The following FGD4 variants were observed in gnomAD, a reference collection of about 807,000 sequenced individuals.
FGD4 encodes the protein FYVE, RhoGEF and PH domain-containing protein 4.
A neutral mutation model predicts 102.0 loss-of-function variants in FGD4; 42 were observed. That is an observed-to-expected ratio of 0.41 (90% CI 0.32 to 0.53). The LOEUF (loss-of-function observed/expected upper bound fraction) is 0.53. FGD4 is among the 20% of genes least tolerant of loss of function. FGD4 has a pLI of 0.21. For synonymous variants in FGD4, 380 were observed against 375.7 expected (o/e 1.01, Z -0.13); for missense variants, 902 against 1,078.2 (o/e 0.84, Z 2.29).
intron 3 of FGD4, among the ~76,000 whole-genome samples, chr12:32,577,986 C>T (rs1320802522): frequency 6.6e-6 from 1 of 152,150 alleles, no homozygotes; most frequent in African/African-American, 2.4e-5. Flanking sequence ...TTTGGTTAAC[C>T]CACTGCATTG....
intron 1 of FGD4, among the ~76,000 whole-genome samples, chr12:32,542,813 A>T (rs968829021): frequency 6.6e-6 from 1 of 152,154 alleles, no homozygotes; most frequent in African/African-American, 2.4e-5. Context: ...TAAATAATTT[A>T]CTTTTGATTT....
chr12:32,525,442 G>T (rs1211712195), intron 1 of FGD4, among the ~76,000 whole-genome samples: 1 of 152,222 alleles, frequency 6.6e-6, no homozygotes. Context: ...ATTCCACATT[G>T]TTTGTGAGAA....
Position 32,518,828 on chromosome 12 carries a change from AC to A in FGD4, c.167-45308del, listed in dbSNP as rs199845042. On this transcript the variant is annotated intron_variant, in intron 1 of 16. Coordinates refer to ENST00000534526, the MANE Select transcript of FGD4 (RefSeq NM_001370298.3). ...TTTTTCTTTACAAAAGAAAAAAAAA[AC>A]AAGGGCCAGGCACGGCAGCTCACGC... Among the ~76,000 whole-genome samples, 355 of 145,922 alleles carry A rather than the reference AC, an allele frequency of 2.4e-3. 1 individual carries two copies. Among genetic ancestry groups the A allele is most frequent in the African/African-American group, 7.7e-3 (313 of 40,388 alleles).
At chr12:32,570,074 A>G (rs1401199103) in intron 2 of FGD4, among the ~76,000 whole-genome samples, 2 of 151,868 alleles carry the variant, frequency 1.3e-5, no homozygotes, top group African/African-American at 4.8e-5. Context: ...AACCCCATCT[A>G]CTAAAGATAC....
At chr12:32,624,774 T>C (rs1016529736) in intron 12 of FGD4, 18 of 626,502 alleles carry the variant, frequency 2.9e-5, no homozygotes, top group East Asian at 5.8e-5. Context: ...ACGCCCAGCT[T>C]ATTTTCACTT....
chr12:32,452,601 A>G (rs1386970644), intron 1 of FGD4, among the ~76,000 whole-genome samples: 1 of 152,192 alleles, frequency 6.6e-6, no homozygotes. Context: ...TGGTAGGTGA[A>G]TGATTTTATT....
At chr12:32,433,423 A>G (rs1307439515) in intron 1 of FGD4, among the ~76,000 whole-genome samples, 1 of 151,918 alleles carries the variant, frequency 6.6e-6, no homozygotes, top group Non-Finnish European at 1.5e-5. Context: ...GTTTCGGCTC[A>G]CTGCAACCTC....
chr12:32,500,456 C>T (rs1230028542), intron 1 of FGD4, among the ~76,000 whole-genome samples: 1 of 132,622 alleles, frequency 7.5e-6, no homozygotes, highest in South Asian at 2.4e-4. Context: ...TATTTTGAGA[C>T]GAAGTCTCAC....
chr12:32,554,020 T>C (rs778674701), intron 1 of FGD4, among the ~76,000 whole-genome samples: 12 of 152,196 alleles, frequency 7.9e-5, no homozygotes, highest in African/African-American at 1.4e-4. Context: ...TGAGCTCAGA[T>C]TGAGGCTGCA....
chr12:32,639,921 C>T (rs1951067471), intron 16 of FGD4, among the ~76,000 whole-genome samples: 2 of 152,092 alleles, frequency 1.3e-5, no homozygotes, highest in South Asian at 4.1e-4. Flanking sequence ...GATAAAACTG[C>T]CTTTAGTAAT....
At chr12:32,494,211 T>A (rs1002151794) in intron 1 of FGD4, among the ~76,000 whole-genome samples, 2 of 152,182 alleles carry the variant, frequency 1.3e-5, no homozygotes, top group Admixed American at 6.5e-5. Context: ...GCTAACTTTT[T>A]AATTTTATTT....
At chr12:32,533,289 A>G (rs1941966065) in intron 1 of FGD4, among the ~76,000 whole-genome samples, 5 of 152,184 alleles carry the variant, frequency 3.3e-5, no homozygotes, top group Admixed American at 2.0e-4. Context: ...TCAAGTGCAC[A>G]CTAGAGAGAG....
At chr12:32,480,791 G>A (rs140035480) in intron 1 of FGD4, among the ~76,000 whole-genome samples, 9,950 of 146,314 alleles carry the variant, frequency 0.068, 758 homozygotes, top group African/African-American at 0.17. Flanking sequence ...GAGCCACCAC[G>A]CCCGGCCTTT....
At chr12:32,562,563 TC>T (rs1944705302) in intron 1 of FGD4, among the ~76,000 whole-genome samples, 1 of 152,140 alleles carries the variant, frequency 6.6e-6, no homozygotes, top group Non-Finnish European at 1.5e-5. Context: ...CCTGCGGCCT[TC>T]CGCAGTGTTT....
chr12:32,628,271 G>A (rs1407840499), intron 14 of FGD4, among the ~76,000 whole-genome samples: 1 of 152,106 alleles, frequency 6.6e-6, no homozygotes, highest in East Asian at 1.9e-4. Flanking sequence ...ATGATGATGG[G>A]CCTCAGAGCT....
chr12:32,457,886 C>T (rs1294311743), intron 1 of FGD4, among the ~76,000 whole-genome samples: 1 of 151,972 alleles, frequency 6.6e-6, no homozygotes, highest in East Asian at 1.9e-4. Flanking sequence ...CTCTAAGGAG[C>T]TTGGGTGTGG....
At chr12:32,621,762 A>G (rs977124778) in intron 11 of FGD4, among the ~76,000 whole-genome samples, 1 of 152,128 alleles carries the variant, frequency 6.6e-6, no homozygotes, top group African/African-American at 2.4e-5. Context: ...TCCCTACCTC[A>G]TGGTGGGTTT....
At chr12:32,563,176 C>T (rs1944804861) in intron 1 of FGD4, among the ~76,000 whole-genome samples, 1 of 151,938 alleles carries the variant, frequency 6.6e-6, no homozygotes, top group Non-Finnish European at 1.5e-5. Context: ...GGGTGGCTGC[C>T]GGGCGGAGAC....
At chr12:32,497,961 T>C (rs1290583449) in intron 1 of FGD4, among the ~76,000 whole-genome samples, 1 of 152,232 alleles carries the variant, frequency 6.6e-6, no homozygotes, top group Admixed American at 6.5e-5. Context: ...ATTCTCATAA[T>C]TTTAGAGCTG....
Sources: gnomAD v4.1 joint callset for allele counts (sites outside exome capture counted in the v4.1 genomes callset) on GRCh38, gnomAD v4.1.1 for gene constraint, MANE v1.5 for transcripts, NCBI Gene and HGNC (gene_info 2026-07-23, HGNC 2026-07-21) for gene names.